EYS: variants seen among roughly 807,000 people sequenced by gnomAD.
EYS encodes the protein protein eyes shut homolog.
Under a neutral mutation model 282.1 loss-of-function variants are expected in EYS, and 250 were observed. That is an observed-to-expected ratio of 0.89 (90% confidence interval 0.80 to 0.98). EYS has a LOEUF of 0.98. EYS is among the 50% of genes least tolerant of loss of function. The pLI, the probability that EYS is intolerant of heterozygous loss-of-function variation, is 0.00. For missense variants in EYS, 4,016 were observed against 3,709.0 expected, an observed-to-expected ratio of 1.08 and a Z score of -2.15; for synonymous variants, 1,355 against 1,282.9, an observed-to-expected ratio of 1.06 and a Z score of -1.20.
Position 64,161,243 on chromosome 6 carries a change from TGACA to T in EYS, c.6424+69345_6424+69348del, listed in dbSNP as rs528246253. Among the ~76,000 whole-genome samples the T allele has an allele frequency of 3.1e-3, 479 of 152,282 alleles. 3 individuals carry two copies. Among genetic ancestry groups the T allele is most frequent in the African/African-American group, 0.011 (441 of 41,540 alleles). ...GTACACTTTGTACTGCTGGGTGAGG[TGACA>T]GACCATCTGTGAAGATACATAAATA... On this transcript the variant is annotated intron_variant, in intron 31 of 42. Transcript: ENST00000503581.
intron 2 of EYS, among the ~76,000 whole-genome samples, chr6:65,497,139 G>A (rs980019736): frequency 6.6e-6 from 1 of 151,912 alleles, no homozygotes; most frequent in African/African-American, 2.4e-5. Flanking sequence ...CTTGCTAAAG[G>A]TTTAAAAAAT....
At chr6:64,508,551 T>TTTATTA (rs34222008) in intron 26 of EYS, among the ~76,000 whole-genome samples, 8,511 of 142,428 alleles carry the variant, frequency 0.06, 302 homozygotes, top group African/African-American at 0.085. Context: ...TTTCTAAGTA[T>TTTATTA]TTATTATTAT....
At chr6:65,424,128 A>G (rs1298911013) in intron 5 of EYS, among the ~76,000 whole-genome samples, 1 of 151,830 alleles carries the variant, frequency 6.6e-6, no homozygotes, top group Non-Finnish European at 1.5e-5. Context: ...TCAGCCAAAG[A>G]CTGCCAACAT....
intron 22 of EYS, among the ~76,000 whole-genome samples, chr6:64,747,885 G>A (rs1772609810): frequency 6.6e-6 from 1 of 152,208 alleles, no homozygotes. Context: ...TTGGGAGTGG[G>A]ATAATTGCAT....
intron 14 of EYS, among the ~76,000 whole-genome samples, chr6:64,981,787 C>T (rs1391373212): frequency 2.6e-5 from 4 of 151,256 alleles, no homozygotes; most frequent in Admixed American, 1.3e-4. Flanking sequence ...AAGAGGTTTC[C>T]TCCTTGGCTT....
intron 8 of EYS, among the ~76,000 whole-genome samples, chr6:65,368,998 T>G (rs1478087295): frequency 1.3e-5 from 2 of 151,356 alleles, no homozygotes; most frequent in Non-Finnish European, 2.9e-5. Context: ...ATTTTATGCT[T>G]AATACATCTG....
chr6:65,593,464 T>C (rs558499347), intron 2 of EYS, among the ~76,000 whole-genome samples: 1 of 152,134 alleles, frequency 6.6e-6, no homozygotes, highest in African/African-American at 2.4e-5. Context: ...CCACTACATA[T>C]TAGAATCACC....
chr6:63,804,201 A>G (rs764557585), intron 37 of EYS, among the ~76,000 whole-genome samples: 13 of 152,090 alleles, frequency 8.5e-5, no homozygotes, highest in Non-Finnish European at 1.6e-4. Flanking sequence ...TTTTTAGTAG[A>G]GACGGGGTTT....
intron 28 of EYS, among the ~76,000 whole-genome samples, chr6:64,416,636 C>A (rs1334754514): frequency 1.3e-5 from 2 of 151,132 alleles, no homozygotes; most frequent in East Asian, 4.0e-4. Flanking sequence ...TAATGTTTAT[C>A]ACTCACCATA....
chr6:63,838,705 G>A (rs1771872288), intron 36 of EYS, among the ~76,000 whole-genome samples: 1 of 152,100 alleles, frequency 6.6e-6, no homozygotes, highest in African/African-American at 2.4e-5. Context: ...ATAGGATAAG[G>A]CCTTTTCTCC....
intron 26 of EYS, among the ~76,000 whole-genome samples, chr6:64,575,472 T>C (rs550484737): frequency 1.3e-5 from 2 of 152,230 alleles, no homozygotes; most frequent in South Asian, 2.1e-4. Flanking sequence ...GACAGCTTCA[T>C]GGCAGAAGCA....
At chr6:64,847,743 G>C (rs1012416648) in intron 19 of EYS, among the ~76,000 whole-genome samples, 2 of 151,548 alleles carry the variant, frequency 1.3e-5, no homozygotes, top group Non-Finnish European at 2.9e-5. Context: ...TACTTTTTTT[G>C]CCAAAGAAAT....
chr6:63,886,880 G>T (rs1773274099), intron 35 of EYS, among the ~76,000 whole-genome samples: 1 of 152,172 alleles, frequency 6.6e-6, no homozygotes, highest in Non-Finnish European at 1.5e-5. Context: ...AAGGAAACTG[G>T]CCCTGGGAGA....
chr6:65,617,250 G>A (rs1332407158), intron 2 of EYS, among the ~76,000 whole-genome samples: 1 of 152,020 alleles, frequency 6.6e-6, no homozygotes. Context: ...AATTCAGCAG[G>A]TTGACAATAT....
intron 35 of EYS, among the ~76,000 whole-genome samples, chr6:63,870,609 A>G (rs1460666940): frequency 6.6e-6 from 1 of 152,106 alleles, no homozygotes; most frequent in African/African-American, 2.4e-5. Context: ...AGTTGGAAAA[A>G]AAGCAAGAAA....
chr6:64,412,404 T>C (rs1773931810), intron 28 of EYS, among the ~76,000 whole-genome samples: 1 of 152,118 alleles, frequency 6.6e-6, no homozygotes, highest in Admixed American at 6.6e-5. Flanking sequence ...TGAGGAGATC[T>C]TGAAAGGTCT....
intron 35 of EYS, among the ~76,000 whole-genome samples, chr6:63,894,341 C>G (rs1366862999): frequency 6.6e-6 from 1 of 152,040 alleles, no homozygotes; most frequent in East Asian, 1.9e-4. Context: ...GAGGGAACTT[C>G]AGACAGACAG....
intron 14 of EYS, among the ~76,000 whole-genome samples, chr6:64,979,099 T>C (rs955722237): frequency 6.6e-5 from 10 of 151,798 alleles, no homozygotes; most frequent in African/African-American, 2.2e-4. Flanking sequence ...GAAATGCTAT[T>C]AAACAGCAGC....
chr6:65,565,117 C>T (rs1769223631), intron 2 of EYS, among the ~76,000 whole-genome samples: 1 of 51,996 alleles, frequency 1.9e-5, no homozygotes, highest in Non-Finnish European at 3.0e-5. Flanking sequence ...TAGTGGTGGG[C>T]GCCTGTAGTC....
Sources: allele counts gnomAD v4.1 joint callset (sites outside exome capture counted in the v4.1 genomes callset), GRCh38; gene constraint gnomAD v4.1.1; transcripts MANE v1.5; gene names NCBI Gene and HGNC (gene_info 2026-07-23, HGNC 2026-07-21).